The following NHSL2 variants were observed in gnomAD, a reference collection of about 807,000 sequenced individuals.
The protein encoded by NHSL2 is NHS like 2.
In NHSL2, 27 loss-of-function variants were observed where a neutral mutation model predicts 53.4. That is an observed-to-expected ratio of 0.51 (90% CI 0.37 to 0.70). The LOEUF (loss-of-function observed/expected upper bound fraction) is 0.70. Among genes scored for constraint, NHSL2 ranks in the 30% least tolerant of loss-of-function variants. The probability of loss-of-function intolerance (pLI) is 0.00; values close to 1 mark genes in which losing one functional copy is unlikely to be tolerated. For synonymous variants in NHSL2, 408 were observed against 404.1 expected (o/e 1.01, Z -0.12); for missense variants, 892 against 980.1 (o/e 0.91, Z 1.20).
chrX:72,142,115 TCTC>T (rs1222531743), intron 6 of NHSL2, 114 bp from the exon 7 acceptor site: 2 of 511,872 alleles, frequency 3.9e-6, no homozygotes, highest in African/African-American at 4.8e-5. Context: ...GTATTAAAAA[TCTC>T]CACCCTGCTG....
chrX:71,971,645 T>C (rs12014871), intron 1 of NHSL2, among the ~76,000 whole-genome samples: 1 of 111,612 alleles, frequency 9.0e-6, no homozygotes, highest in South Asian at 3.7e-4. Flanking sequence ...ATAGATATTG[T>C]TTATGAAATT....
At chrX:71,917,194 G>C (rs1254334599) in intron 1 of NHSL2, among the ~76,000 whole-genome samples, 1 of 110,634 alleles carries the variant, frequency 9.0e-6, no homozygotes, top group Non-Finnish European at 1.9e-5. Flanking sequence ...CTAGGTATCA[G>C]CCAGTTAACT....
At chrX:72,066,465 G>A (rs2042430203) in intron 1 of NHSL2, among the ~76,000 whole-genome samples, 1 of 111,129 alleles carries the variant, frequency 9.0e-6, no homozygotes. Flanking sequence ...TATGGCCATG[G>A]GGACACTGGT....
chrX:72,059,137 C>T (rs2042385756), intron 1 of NHSL2, among the ~76,000 whole-genome samples: 1 of 111,391 alleles, frequency 9.0e-6, no homozygotes, highest in African/African-American at 3.3e-5. Context: ...CCTGCACCTG[C>T]TGGTTTTCCA....
At chrX:71,986,628 A>G (rs1381006313) in intron 1 of NHSL2, among the ~76,000 whole-genome samples, 5 of 112,655 alleles carry the variant, frequency 4.4e-5, no homozygotes, top group Non-Finnish European at 9.4e-5. Flanking sequence ...GTTTTAAATA[A>G]CATTTTATAA....
intron 1 of NHSL2, among the ~76,000 whole-genome samples, chrX:72,043,451 A>G (rs946426144): frequency 1.8e-5 from 2 of 111,457 alleles, no homozygotes; most frequent in African/African-American, 6.5e-5. Flanking sequence ...GAGGTAGACA[A>G]TGTTACCATC....
intron 3 of NHSL2, 38 bp from the exon 4 acceptor site, chrX:72,134,471 C>T (rs1350213897): frequency 1.8e-6 from 2 of 1,092,440 alleles, no homozygotes; most frequent in Admixed American, 2.6e-5. Flanking sequence ...CATTGCCAGG[C>T]AGGAATACAC....
At chrX:71,942,851 A>T (rs1053525449) in intron 1 of NHSL2, among the ~76,000 whole-genome samples, 2 of 111,037 alleles carry the variant, frequency 1.8e-5, no homozygotes, top group South Asian at 7.8e-4. Flanking sequence ...TCTAATAGAC[A>T]TAGTAATCTG....
chrX:72,138,388 C>T, intron 5 of NHSL2, 53 bp from the exon 6 acceptor site: 1 of 997,348 alleles, frequency 1.0e-6, no homozygotes, highest in Admixed American at 3.9e-5. Flanking sequence ...CTCAAAACAG[C>T]TGGTGGGAGA....
intron 1 of NHSL2, among the ~76,000 whole-genome samples, chrX:72,108,333 C>T (rs991967241): frequency 1.8e-5 from 2 of 112,697 alleles, no homozygotes; most frequent in Admixed American, 9.3e-5. Flanking sequence ...CCACAGGCTT[C>T]GTGCAGCACT....
At position 71,910,862 on chromosome X, in the gene NHSL2, C is replaced by T. The variant is rs1214458424; in HGVS notation, c.-226C>T. 19 of 225,668 alleles carry T rather than the reference C, an allele frequency of 8.4e-5. No individual in the cohort carries two copies. Among genetic ancestry groups the T allele is most frequent in the African/African-American group, 4.5e-4 (15 of 33,683 alleles). 18.6% of individuals were successfully genotyped at this position (225,668 alleles called of 1,213,427 possible). On this transcript the variant is annotated 5_prime_UTR_variant, in exon 1 of 8. Transcript: ENST00000633930. ...GCAGAGTCAGAGGGACTGGTGGCTC[C>T]GGCGAGTGTGCAGCCCCGGGGGAGC...
At chrX:72,008,209 C>T (rs1014024671) in intron 1 of NHSL2, among the ~76,000 whole-genome samples, 5 of 112,666 alleles carry the variant, frequency 4.4e-5, no homozygotes, top group African/African-American at 1.6e-4. Flanking sequence ...TGAGTTGTTG[C>T]CCACACTCTG....
chrX:72,127,646 G>A (rs1008648529), intron 1 of NHSL2: 2 of 112,697 alleles, frequency 1.8e-5, no homozygotes, highest in Non-Finnish European at 3.7e-5. Flanking sequence ...AAGAATAGCA[G>A]GTCCCCTCGA....
intron 1 of NHSL2, among the ~76,000 whole-genome samples, chrX:72,073,933 A>G (rs1385614502): frequency 8.9e-6 from 1 of 112,647 alleles, no homozygotes; most frequent in Non-Finnish European, 1.9e-5. Context: ...GTCCCACCAC[A>G]TATCGTTTGA....
At chrX:72,056,895 C>T (rs1443024987) in intron 1 of NHSL2, among the ~76,000 whole-genome samples, 1 of 112,500 alleles carries the variant, frequency 8.9e-6, no homozygotes, top group East Asian at 2.8e-4. Flanking sequence ...CCTACCATCT[C>T]CTACTTTTAG....
intron 1 of NHSL2, among the ~76,000 whole-genome samples, chrX:72,073,966 T>A (rs1015354825): frequency 8.9e-6 from 1 of 112,472 alleles, no homozygotes; most frequent in Non-Finnish European, 1.9e-5. Context: ...ATTATTGGAA[T>A]AACTGAACTC....
chrX:72,049,009 A>AAGAGGAAGAG (rs1556340804), intron 1 of NHSL2, among the ~76,000 whole-genome samples: 3 of 86,135 alleles, frequency 3.5e-5, no homozygotes, highest in African/African-American at 4.8e-5. Context: ...AAGAAGAAGA[A>AAGAGGAAGAG]GAAGAGGAAG....
intron 1 of NHSL2, among the ~76,000 whole-genome samples, chrX:71,955,795 CT>C (rs778081452): frequency 2.3e-3 from 229 of 99,742 alleles, no homozygotes; most frequent in Admixed American, 1.9e-3. Flanking sequence ...CTTAAATTGA[CT>C]TTTTTTTTTT....
chrX:71,966,336 T>C lies in NHSL2; in HGVS notation c.280+54969T>C, dbSNP rs749432081. Among the ~76,000 whole-genome samples, 18 of 112,127 alleles carry C rather than the reference T, an allele frequency of 1.6e-4. No homozygotes were observed. In the East Asian group the frequency reaches 4.7e-3, roughly 29 times the overall value. On this transcript the variant is annotated intron_variant, in intron 1 of 7. Transcript: ENST00000633930. ...ATTACCTAGGCCTTCCAGTAAAATGTTGAGAAGCAAGTGGTGAGAGGGGAC... is the reference window on the plus strand; with the variant it reads ...ATTACCTAGGCCTTCCAGTAAAATGCTGAGAAGCAAGTGGTGAGAGGGGAC...
Sources: gnomAD v4.1 joint callset for allele counts (sites outside exome capture counted in the v4.1 genomes callset) on GRCh38, gnomAD v4.1.1 for gene constraint, MANE v1.5 for transcripts, NCBI Gene and HGNC (gene_info 2026-07-23, HGNC 2026-07-21) for gene names.